PRRT1: variants seen among roughly 807,000 people sequenced by gnomAD.
PRRT1 encodes the protein proline rich transmembrane protein 1.
A neutral mutation model predicts 22.6 loss-of-function variants in PRRT1; 8 were observed. That is an observed-to-expected ratio of 0.35 (90% confidence interval 0.21 to 0.64). PRRT1 has a LOEUF of 0.64. Ranked by LOEUF, PRRT1 falls within the 30% of genes least tolerant of loss-of-function variation. PRRT1 has a pLI of 0.69. For synonymous variants in PRRT1, 176 were observed against 203.6 expected (o/e 0.86, Z 1.15); for missense variants, 315 against 444.5 (o/e 0.71, Z 2.62).
At position 32,150,766 on chromosome 6, in the gene PRRT1, C is replaced by T. The variant is rs1449949512; in HGVS notation, c.160G>A (p.Ala54Thr). 4 of 1,545,830 alleles carry T rather than the reference C, an allele frequency of 2.6e-6. No individual in the cohort carries two copies. The highest frequency in any genetic ancestry group is 1.7e-6 in the Non-Finnish European group (2 of 1,145,316). Reference sequence around the variant, plus strand: ...CCTGCCCCTAAGCGCGGGAGGGTGGCGGTGCCAGACTGATGGTAGTGGTGG... The same window carrying T: ...CCTGCCCCTAAGCGCGGGAGGGTGGTGGTGCCAGACTGATGGTAGTGGTGG... Reference protein sequence around the residue: ...HHHHYHQSGTATLPRLGAGGL... With the variant: ...HHHHYHQSGTTTLPRLGAGGL... The change falls in exon 2 of 4, where the codon GCC becomes ACC. Residue 54 changes from alanine to threonine, a missense_variant. Physicochemically the swap from Ala to Thr is moderately conservative, Grantham distance 58 (BLOSUM62 0). Transcript: ENST00000211413. This position sits in a 1 kb window ranked among gnomAD's most constrained non-coding sequence, Gnocchi z 7.2.
At position 32,148,424 on chromosome 6, in the gene PRRT1, A is replaced by G. The variant is rs1441634518; in HGVS notation, c.*798T>C. The G allele has an allele frequency of 1.1e-4, 28 of 259,608 alleles. No homozygotes were observed. The East Asian group carries it at 2.4e-3, about 23-fold the overall frequency. 16.1% of individuals were successfully genotyped at this position (259,608 alleles called of 1,614,324 possible). A position where few individuals can be genotyped will look rare whatever the true frequency, so the allele number is the denominator to read the frequency against. ...CACACACACTCACACACAGATCAGA[A>G]CAAGGCGGGGCCGCCGAGGGGAGCG... On this transcript the variant is annotated 3_prime_UTR_variant, in exon 4 of 4. Coordinates refer to ENST00000211413, the MANE Select transcript of PRRT1 (RefSeq NM_030651.4). The surrounding 1 kb of genome is among the most constrained non-coding windows in gnomAD (Gnocchi z 5.7).
At chr6:32,151,408 G>A in intron 1 of PRRT1, 2 of 418,798 alleles carry the variant, frequency 4.8e-6, no homozygotes, top group Non-Finnish European at 8.8e-6. Flanking sequence ...CCTCTTTTAG[G>A]GCAGATTAAG....
In PRRT1 at chr6:32,150,081, A is replaced by AT. The variant is rs1316344492; in HGVS notation, c.558+286dup. 1.3e-5 allele frequency among the ~76,000 whole-genome samples: 2 copies of AT among 149,540 alleles called. No individual in the cohort carries two copies. Among genetic ancestry groups the AT allele is most frequent in the African/African-American group, 4.9e-5 (2 of 40,484 alleles). ...ACATCCCTCTTGGTTCCCAGCTTCC[A>AT]TTCCCCCCGTCCCCCGCCAGGCGGT... On this transcript the variant is annotated intron_variant, in intron 2 of 3. Coordinates refer to ENST00000211413, the MANE Select transcript of PRRT1 (RefSeq NM_030651.4). This position sits in a 1 kb window ranked among gnomAD's most constrained non-coding sequence, Gnocchi z 7.2.
intron 1 of PRRT1, chr6:32,151,384 T>G: frequency 4.9e-6 from 2 of 408,802 alleles, no homozygotes; most frequent in Non-Finnish European, 9.0e-6. Flanking sequence ...CCAGCCTCTG[T>G]GAGAATCTCG....
intron 1 of PRRT1, chr6:32,151,198 T>C: frequency 7.7e-6 from 5 of 650,980 alleles, no homozygotes; most frequent in Admixed American, 2.4e-5. Flanking sequence ...GCAGACCTAA[T>C]CCCCTCTCCT....
chr6:32,151,842 TGGGACA>T lies in PRRT1; in HGVS notation c.-21_-16del. On this transcript the variant is annotated 5_prime_UTR_variant, in exon 1 of 4. Transcript: ENST00000211413. ...TCGGATGACATGCCTGCGGTCTCGC[TGGGACA>T]GGGTCCCTGCAGCCGGAGTGGGGGT... The T allele has an allele frequency of 6.2e-7, 1 of 1,609,588 alleles. No individual in the cohort carries two copies.
upstream of PRRT1, chr6:32,151,960 G>GGGC: frequency 3.3e-6 from 1 of 300,320 alleles, no homozygotes. Flanking sequence ...GCGGGGGGGG[G>GGGC]GGGCGGGGGG....
chr6:32,151,114 A>G (rs1783247822), intron 1 of PRRT1: 3 of 703,342 alleles, frequency 4.3e-6, no homozygotes, highest in African/African-American at 1.7e-5. Context: ...CTTCCTTCCA[A>G]TCTAGTTTTG....
Position 32,150,939 on chromosome 6 carries a change from G to A in PRRT1, c.20-33C>T. Reference sequence around the variant, plus strand: ...AGGTGAGTGGAGGAGAGTATAAGAGGAAAGATGACACAGTGATGAGTTGAG... The same window carrying A: ...AGGTGAGTGGAGGAGAGTATAAGAGAAAAGATGACACAGTGATGAGTTGAG... On this transcript the variant is annotated intron_variant, in intron 1 of 3. Transcript: ENST00000211413. This position sits in a 1 kb window ranked among gnomAD's most constrained non-coding sequence, Gnocchi z 7.2. The A allele has an allele frequency of 6.5e-7, 1 of 1,528,578 alleles. No individual in the cohort carries two copies. The highest frequency in any genetic ancestry group is 1.3e-5 in the African/African-American group (1 of 74,150). 94.7% of individuals were successfully genotyped at this position (1,528,578 alleles called of 1,614,324 possible).
rs1156633218 is a variant in PRRT1, at chr6:32,150,906, C to A, written c.20G>T (p.Gly7Val). ...AGTGTGAGGGACTGAGTCTGGGAGT[C>A]CTGGGGGAGGTGAGTGGAGGAGAGT... MSSEKS[G>V]LPDSVPHTSP... is the part of the protein sequence containing the mutation. The change falls in exon 2 of 4, where the codon GGA becomes GTA. Residue 7 changes from glycine to valine, a missense_variant and splice_region_variant. By Grantham distance (109) the Gly-to-Val change is moderately radical. This residue lies in a region of PRRT1 where 263 missense variants were observed against 328.5 expected (regional missense o/e 0.80). Transcript: ENST00000211413. The surrounding 1 kb of genome is among the most constrained non-coding windows in gnomAD (Gnocchi z 7.2). 1.3e-6 allele frequency: 2 copies of A among 1,573,140 alleles called. No individual in the cohort carries two copies. The highest frequency in any genetic ancestry group is 1.7e-6 in the Non-Finnish European group (2 of 1,165,368).
chr6:32,149,233 A>G lies in PRRT1; in HGVS notation c.910T>C (p.Trp304Arg). ...GACCAGGGGCGTTTTTAGGGATCCCAGTAGTTCTCGTGGTGCTGCGCGGCG... is the reference window on the plus strand; with the variant it reads ...GACCAGGGGCGTTTTTAGGGATCCCGGTAGTTCTCGTGGTGCTGCGCGGCG... Reference protein sequence around the residue: ...IIAAQHHENYWDP With the variant: ...IIAAQHHENYRDP The change falls in exon 4 of 4, where the codon TGG (tryptophan) becomes CGG (arginine). Residue 304 changes from tryptophan (W) to arginine (R), a missense_variant. Transcript: ENST00000211413. The surrounding 1 kb of genome is among the most constrained non-coding windows in gnomAD (Gnocchi z 8.7). 1 of 1,611,692 alleles carries G rather than the reference A, an allele frequency of 6.2e-7. No individual in the cohort carries two copies. The highest frequency in any genetic ancestry group is 8.5e-7 in the Non-Finnish European group (1 of 1,179,778).
intron 1 of PRRT1, chr6:32,151,545 A>T: frequency 1.7e-6 from 1 of 572,218 alleles, no homozygotes; most frequent in Non-Finnish European, 3.1e-6. Flanking sequence ...CATCCCTGCA[A>T]AACCTGGCTG....
upstream of PRRT1, chr6:32,151,952 G>GC (rs1554125386): frequency 0.36 from 40,609 of 111,990 alleles, 2,530 homozygotes; most frequent in African/African-American, 0.4. Context: ...AGGCAGCGGC[G>GC]GGGGGGGGGG....
Position 32,150,886 on chromosome 6 carries a change from GA to G in PRRT1, c.39del (p.His14ThrfsTer46). 1.3e-6 allele frequency: 2 copies of G among 1,581,492 alleles called. No homozygotes were observed. Among genetic ancestry groups the G allele is most frequent in the Non-Finnish European group, 1.7e-6 (2 of 1,168,446 alleles). ...SEKSGLPDSVPHTSPPPYNAP... is the reference protein window; with the variant it reads ...SEKSGLPDSVXHTSPPPYNAP... ...GCATTGTAGGGCGGCGGAGAAGTGT[GA>G]GGGACTGAGTCTGGGAGTCCTGGGG... On this transcript the variant is annotated frameshift_variant, in exon 2 of 4. Coordinates refer to ENST00000211413, the MANE Select transcript of PRRT1 (RefSeq NM_030651.4). LOFTEE classifies it high-confidence loss of function. The surrounding 1 kb of genome is among the most constrained non-coding windows in gnomAD (Gnocchi z 7.2).
chr6:32,150,631 G>A lies in PRRT1; in HGVS notation c.295C>T (p.Pro99Ser), dbSNP rs1026985415. 2.1e-6 allele frequency: 3 copies of A among 1,417,928 alleles called. No individual in the cohort carries two copies. The highest frequency in any genetic ancestry group is 3.0e-5 in the African/African-American group (2 of 67,368). The allele number at this position is 1,417,928 out of a possible 1,614,324, so 87.8% of individuals were successfully genotyped here. Residue 99 changes from proline (P) to serine (S), a missense_variant, in exon 2 of 4, where the codon CCC (proline) becomes TCC (serine). Transcript: ENST00000211413. The surrounding 1 kb of genome is among the most constrained non-coding windows in gnomAD (Gnocchi z 7.2). ...ATGCGGGGCAAGGTAGCGCAGCCGG[G>A]TGGGGGTGCCCCGGCAGCAGGGCCG... The part of the protein sequence containing the change: ...PPGPAAGAPP[P>S]GCATLPRMPP...
chr6:32,150,658 G>A lies in PRRT1; in HGVS notation c.268C>T (p.Pro90Ser). 1 of 1,423,704 alleles carries A rather than the reference G, an allele frequency of 7.0e-7. No individual in the cohort carries two copies. Among genetic ancestry groups the A allele is most frequent in the Non-Finnish European group, 9.1e-7 (1 of 1,094,372 alleles). The allele number at this position is 1,423,704 out of a possible 1,614,324, so 88.2% of individuals were successfully genotyped here. A position where few individuals can be genotyped will look rare whatever the true frequency, so the allele number is the denominator to read the frequency against. The change falls in exon 2 of 4, where the codon CCC becomes TCC. Residue 90 changes from proline (P) to serine (S), a missense_variant. By Grantham distance (74) the Pro-to-Ser change is moderately conservative (BLOSUM62 -1). Transcript: ENST00000211413. This position sits in a 1 kb window ranked among gnomAD's most constrained non-coding sequence, Gnocchi z 7.2. ...GGGGGTGCCCCGGCAGCAGGGCCGGGAGGGGCGTGGTGGGGGGGCCTCGGC... is the reference window on the plus strand; with the variant it reads ...GGGGGTGCCCCGGCAGCAGGGCCGGAAGGGGCGTGGTGGGGGGGCCTCGGC... ...TLPRPPHHAPPGPAAGAPPPG... is the reference protein window; with the variant it reads ...TLPRPPHHAPSGPAAGAPPPG...
chr6:32,152,000 G>GGGGGGT, upstream of PRRT1: 6 of 350,440 alleles, frequency 1.7e-5, no homozygotes, highest in Non-Finnish European at 2.3e-5. Context: ...GGGAGGGGGG[G>GGGGGGT]AGCTTAAAGG....
At chr6:32,151,067 G>A in intron 1 of PRRT1, 161 bp from the exon 2 acceptor site, 1 of 737,602 alleles carries the variant, frequency 1.4e-6, no homozygotes, top group South Asian at 1.5e-5. Flanking sequence ...TGAGGGGCAA[G>A]AGAGGGGCTG....
chr6:32,151,587 G>T, intron 1 of PRRT1: 1 of 594,262 alleles, frequency 1.7e-6, no homozygotes, highest in Non-Finnish European at 3.0e-6. Flanking sequence ...CTACCCCCCT[G>T]ACCATGTTGT....
Sources: allele counts gnomAD v4.1 joint callset (sites outside exome capture counted in the v4.1 genomes callset), GRCh38; gene constraint gnomAD v4.1.1; regional missense constraint gnomAD v4.1.1; non-coding constraint Gnocchi (gnomAD v3.1); transcripts MANE v1.5; gene names NCBI Gene and HGNC (gene_info 2026-07-23, HGNC 2026-07-21).